The following DNAH11 variants were observed in gnomAD, a reference collection of about 807,000 sequenced individuals.
The protein encoded by DNAH11 is axonemal beta dynein heavy chain 11.
DNAH11 carries 442 observed loss-of-function variants against 526.0 expected under a neutral mutation model. That is an observed-to-expected ratio of 0.84 (90% CI 0.78 to 0.91). The LOEUF (loss-of-function observed/expected upper bound fraction) is 0.91. Among genes scored for constraint, DNAH11 ranks in the 40% least tolerant of loss-of-function variants. DNAH11 has a pLI of 0.00. For synonymous variants in DNAH11, 2,461 were observed against 1,935.9 expected (o/e 1.27, Z -7.12); for missense variants, 6,989 against 5,448.7 (o/e 1.28, Z -8.90).
At chr7:21,567,867 G>A (rs181163238) in intron 6 of DNAH11, among the ~76,000 whole-genome samples, 12 of 152,332 alleles carry the variant, frequency 7.9e-5, no homozygotes, top group Admixed American at 7.8e-4. Context: ...CTTTGGTAGT[G>A]GGGTCTTAAT....
At chr7:21,656,121 C>A in intron 29 of DNAH11, 140 bp downstream of exon 29, 1 of 931,558 alleles carries the variant, frequency 1.1e-6, no homozygotes, top group Non-Finnish European at 1.5e-6. Context: ...TCCTTTTTAT[C>A]TGTATCCACT....
In DNAH11 at chr7:21,604,226, T is replaced by G. The variant is rs114060658; in HGVS notation, c.3649-2200T>G. Reference sequence around the variant, plus strand: ...ATTACTTCCTTAAAGTCATGAGGACTCACCACCAGCAAGATCTTTGTCCTG... The same window carrying G: ...ATTACTTCCTTAAAGTCATGAGGACGCACCACCAGCAAGATCTTTGTCCTG... On this transcript the variant is annotated intron_variant, in intron 18 of 81. Coordinates refer to ENST00000409508, the MANE Select transcript of DNAH11 (RefSeq NM_001277115.2). Among the ~76,000 whole-genome samples, 531 of 152,298 alleles carry G rather than the reference T, an allele frequency of 3.5e-3. 2 individuals are homozygous for G. Among genetic ancestry groups the G allele is most frequent in the African/African-American group, 0.012 (510 of 41,566 alleles).
At chr7:21,649,675 G>A (rs1370768942) in intron 28 of DNAH11, among the ~76,000 whole-genome samples, 2 of 125,838 alleles carry the variant, frequency 1.6e-5, no homozygotes, top group Non-Finnish European at 3.3e-5. Context: ...TTTTTTTTCT[G>A]TAGATGGAGT....
intron 2 of DNAH11, among the ~76,000 whole-genome samples, chr7:21,554,281 C>G (rs1024026913): frequency 6.6e-6 from 1 of 150,588 alleles, no homozygotes; most frequent in Non-Finnish European, 1.5e-5. Context: ...TTAAGTGATT[C>G]TCCTGCCGCA....
intron 65 of DNAH11, among the ~76,000 whole-genome samples, chr7:21,825,795 T>C (rs531994930): frequency 2.6e-5 from 4 of 152,032 alleles, no homozygotes; most frequent in African/African-American, 9.6e-5. Context: ...CCTTCTCTAC[T>C]AAAAATACAA....
intron 42 of DNAH11, among the ~76,000 whole-genome samples, chr7:21,714,433 G>A (rs1385562381): frequency 4.6e-5 from 7 of 152,106 alleles, no homozygotes; most frequent in Non-Finnish European, 7.4e-5. Context: ...AATAAGTCAC[G>A]AAATGGCTAT....
In DNAH11 at chr7:21,732,708, C is replaced by G. The variant is rs577502500; in HGVS notation, c.7441-2932C>G. On this transcript the variant is annotated intron_variant, in intron 45 of 81. Transcript: ENST00000409508. ...TTAATTCTGTGACCTGGTGGAATCA[C>G]CAAGGATTGTGATCATCCCATCTTT... Among the ~76,000 whole-genome samples, 34 of 152,190 alleles carry G rather than the reference C, an allele frequency of 2.2e-4. 1 individual carries two copies. The highest frequency in any genetic ancestry group is 7.3e-5 in the Non-Finnish European group (5 of 68,032).
chr7:21,749,529 T>A, intron 52 of DNAH11, 149 bp from the exon 53 acceptor site: 1 of 940,354 alleles, frequency 1.1e-6, no homozygotes, highest in Non-Finnish European at 1.5e-6. Context: ...TAGAATGGGG[T>A]CTCTCAGAGA....
chr7:21,745,140 T>A (rs1371958023), intron 51 of DNAH11, 77 bp downstream of exon 51: 2 of 1,429,946 alleles, frequency 1.4e-6, no homozygotes, highest in African/African-American at 2.8e-5. Context: ...TTTCAATAGA[T>A]CATACTAAGC....
At chr7:21,620,455 C>T (rs926422741) in intron 25 of DNAH11, among the ~76,000 whole-genome samples, 15 of 151,976 alleles carry the variant, frequency 9.9e-5, no homozygotes, top group South Asian at 2.1e-4. Flanking sequence ...TTAGATTCCA[C>T]GTGTAGATGG....
At chr7:21,552,160 A>C (rs1488174870) in intron 2 of DNAH11, among the ~76,000 whole-genome samples, 1 of 152,198 alleles carries the variant, frequency 6.6e-6, no homozygotes, top group Admixed American at 6.5e-5. Flanking sequence ...CCATTGTCAC[A>C]TACACATGGA....
chr7:21,744,658 T>C, intron 50 of DNAH11, 59 bp downstream of exon 50: 1 of 1,585,306 alleles, frequency 6.3e-7, no homozygotes, highest in East Asian at 2.2e-5. Context: ...GTATTGGGAC[T>C]AAAGTTAGAT....
chr7:21,717,021 A>G lies in DNAH11; in HGVS notation c.6984-754A>G, dbSNP rs949655301. On this transcript the variant is annotated intron_variant, in intron 42 of 81. Coordinates refer to ENST00000409508, the MANE Select transcript of DNAH11 (RefSeq NM_001277115.2). ...TGGCTGCTAAATGTATTTATTCCCC[A>G]TGCTTCATCCTTAGTGAGAACTTTC... 2.0e-5 allele frequency among the ~76,000 whole-genome samples: 3 copies of G among 152,058 alleles called. No individual in the cohort carries two copies. In the East Asian group the frequency reaches 5.8e-4, roughly 29 times the overall value.
intron 51 of DNAH11, among the ~76,000 whole-genome samples, chr7:21,748,369 A>G (rs1028894196): frequency 6.6e-6 from 1 of 152,104 alleles, no homozygotes; most frequent in Non-Finnish European, 1.5e-5. Flanking sequence ...CCGTAATCCA[A>G]CTACTTGGGA....
intron 20 of DNAH11, among the ~76,000 whole-genome samples, chr7:21,611,310 C>A (rs1785513638): frequency 6.6e-6 from 1 of 152,080 alleles, no homozygotes; most frequent in African/African-American, 2.4e-5. Context: ...AGGACTTTGG[C>A]CCCGGACTGA....
intron 18 of DNAH11, among the ~76,000 whole-genome samples, chr7:21,603,434 C>G (rs1392077462): frequency 6.6e-6 from 1 of 152,164 alleles, no homozygotes; most frequent in East Asian, 1.9e-4. Context: ...AGTGGAATTG[C>G]TGGGTCATCT....
chr7:21,901,166 C>CTTAAACTCTTTCAAAATATAAAAG lies in DNAH11; in HGVS notation c.13463_13464insTTAAACTCTTTCAAAATATAAAAG (p.Pro4488_Ser4489insTer). 1 of 1,611,636 alleles carries CTTAAACTCTTTCAAAATATAAAAG rather than the reference C, an allele frequency of 6.2e-7. No individual in the cohort carries two copies. The highest frequency in any genetic ancestry group is 1.1e-5 in the South Asian group (1 of 91,062). On this transcript the variant is annotated stop_gained and inframe_insertion, in exon 82 of 82. Transcript: ENST00000409508. LOFTEE classifies it high-confidence loss of function. ...GTGTATAGAACCAAACTGAGAGGCC[C>CTTAAACTCTTTCAAAATATAAAAG]CAGCTACATCTGGACCTTCAGGCTG... is the stretch of plus-strand genomic sequence containing the variant.
At chr7:21,727,509 TTCTC>T (rs1785179208) in intron 45 of DNAH11, among the ~76,000 whole-genome samples, 1 of 152,364 alleles carries the variant, frequency 6.6e-6, no homozygotes, top group African/African-American at 2.4e-5. Context: ...AAATGAACCT[TTCTC>T]TCTTTCTTCA....
intron 61 of DNAH11, among the ~76,000 whole-genome samples, chr7:21,794,254 C>A (rs1583702557): frequency 6.6e-6 from 1 of 152,046 alleles, no homozygotes; most frequent in African/African-American, 2.4e-5. Flanking sequence ...GTCATTCGCT[C>A]CTTGCTTTGT....
Sources: gnomAD v4.1 joint callset for allele counts (sites outside exome capture counted in the v4.1 genomes callset) on GRCh38, gnomAD v4.1.1 for gene constraint, MANE v1.5 for transcripts, NCBI Gene and HGNC (gene_info 2026-07-23, HGNC 2026-07-21) for gene names.